Variants in ACTR3 observed in about 807,000 individuals in gnomAD.
ACTR3 encodes actin related protein 3.
Under a neutral mutation model 56.8 loss-of-function variants are expected in ACTR3, and 12 were observed. That is an observed-to-expected ratio of 0.21 (90% CI 0.14 to 0.34). ACTR3 has a LOEUF of 0.34. Ranked by LOEUF, ACTR3 falls within the 10% of genes least tolerant of loss-of-function variation. ACTR3 has a pLI of 1.00. For synonymous variants in ACTR3, 162 were observed against 167.4 expected, an observed-to-expected ratio of 0.97 and a Z score of 0.25; for missense variants, 282 against 512.5, an observed-to-expected ratio of 0.55 and a Z score of 4.34.
intron 8 of ACTR3, among the ~76,000 whole-genome samples, chr2:113,944,531 G>A (rs1215165367): frequency 2.8e-5 from 4 of 142,440 alleles, no homozygotes; most frequent in African/African-American, 1.0e-4. Context: ...GGCAGATCAC[G>A]AGGTCAGGAG....
rs2104635748 is a variant in ACTR3 at position 113,958,208 on chromosome 2, T to G, written c.*753T>G. 6.5e-6 allele frequency: 1 copy of G among 152,756 alleles called. No individual in the cohort carries two copies. Among genetic ancestry groups the G allele is most frequent in the South Asian group, 2.1e-4 (1 of 4,832 alleles). The allele number at this position is 152,756 out of a possible 1,614,324, so 9.5% of individuals were successfully genotyped here. On this transcript the variant is annotated 3_prime_UTR_variant, in exon 12 of 12. Transcript: ENST00000263238. Reference sequence around the variant, plus strand: ...AACAACAACAATAATTTATCAAAATTGGCATATTTAAAGCCTAACATTCTA... The same window carrying G: ...AACAACAACAATAATTTATCAAAATGGGCATATTTAAAGCCTAACATTCTA...
intron 3 of ACTR3, among the ~76,000 whole-genome samples, chr2:113,917,484 C>T (rs923580203): frequency 8.6e-5 from 13 of 151,808 alleles, no homozygotes; most frequent in African/African-American, 2.9e-4. Flanking sequence ...TTATACAGTT[C>T]GAAGAATTTT....
At chr2:113,903,567 C>T (rs1440150647) in intron 1 of ACTR3, among the ~76,000 whole-genome samples, 8 of 148,400 alleles carry the variant, frequency 5.4e-5, no homozygotes, top group African/African-American at 5.0e-5. Flanking sequence ...GACGGAGTCT[C>T]GCTCCGTTGC....
chr2:113,923,800 C>T (rs1326147661), intron 3 of ACTR3, among the ~76,000 whole-genome samples: 1 of 149,098 alleles, frequency 6.7e-6, no homozygotes, highest in African/African-American at 2.5e-5. Flanking sequence ...TAAAGACTTT[C>T]TCTAGGTGAT....
chr2:113,924,054 C>CTT (rs35658755), intron 3 of ACTR3, among the ~76,000 whole-genome samples: 47 of 134,968 alleles, frequency 3.5e-4, no homozygotes, highest in African/African-American at 6.1e-4. Flanking sequence ...ACTTTTTTCT[C>CTT]TTTTTTTTTT....
At chr2:113,945,567 A>G (rs575371197) in intron 8 of ACTR3, among the ~76,000 whole-genome samples, 19 of 152,344 alleles carry the variant, frequency 1.2e-4, no homozygotes, top group Non-Finnish European at 1.9e-4. Context: ...TTTTGAGGCA[A>G]GTAGTGTAAT....
chr2:113,938,780 G>T (rs913732072), intron 6 of ACTR3, among the ~76,000 whole-genome samples: 9 of 152,052 alleles, frequency 5.9e-5, no homozygotes, highest in Non-Finnish European at 1.2e-4. Context: ...GCTCCCTGTT[G>T]GTTCAACTCC....
chr2:113,898,267 T>C (rs1679044390), intron 1 of ACTR3, among the ~76,000 whole-genome samples: 1 of 152,106 alleles, frequency 6.6e-6, no homozygotes, highest in East Asian at 1.9e-4. Flanking sequence ...AAACTTGCTT[T>C]AGTAAATTAA....
chr2:113,940,394 T>C (rs1034604033), intron 7 of ACTR3, among the ~76,000 whole-genome samples: 1 of 151,038 alleles, frequency 6.6e-6, no homozygotes, highest in African/African-American at 2.5e-5. Context: ...TAAAAATAAA[T>C]AATTATTTCA....
chr2:113,922,788 CTG>C (rs1679535194), intron 3 of ACTR3, among the ~76,000 whole-genome samples: 1 of 152,158 alleles, frequency 6.6e-6, no homozygotes, highest in African/African-American at 2.4e-5. Context: ...AAAATCTAGA[CTG>C]TGTATATTGA....
intron 1 of ACTR3, among the ~76,000 whole-genome samples, chr2:113,909,496 T>C (rs1489128105): frequency 6.6e-6 from 1 of 152,122 alleles, no homozygotes. Flanking sequence ...CACATAAAAA[T>C]ATGTGTGGCT....
intron 1 of ACTR3, among the ~76,000 whole-genome samples, chr2:113,893,747 G>C (rs181743052): frequency 3.3e-5 from 5 of 151,738 alleles, no homozygotes; most frequent in East Asian, 3.9e-4. Flanking sequence ...TTTTTCCCCT[G>C]GTAAATAAAA....
intron 9 of ACTR3, 58 bp from the exon 10 acceptor site, chr2:113,951,662 A>C: frequency 1.4e-6 from 2 of 1,468,044 alleles, no homozygotes; most frequent in Non-Finnish European, 1.9e-6. Context: ...TCAGTACTAT[A>C]TATTATATCT....
intron 2 of ACTR3, among the ~76,000 whole-genome samples, chr2:113,913,896 A>G (rs796213520): frequency 2.6e-5 from 4 of 152,294 alleles, no homozygotes; most frequent in African/African-American, 7.2e-5. Context: ...GTACTTTTAC[A>G]CTTTTGACTT....
chr2:113,917,758 T>C (rs1363973307), intron 3 of ACTR3, among the ~76,000 whole-genome samples: 2 of 152,096 alleles, frequency 1.3e-5, no homozygotes, highest in African/African-American at 4.8e-5. Context: ...AAATGGTGTA[T>C]AAAAAAATTT....
chr2:113,956,066 T>A (rs1680206501), intron 11 of ACTR3, among the ~76,000 whole-genome samples: 1 of 152,010 alleles, frequency 6.6e-6, no homozygotes, highest in Admixed American at 6.6e-5. Flanking sequence ...ATTATTATTA[T>A]TTTTTATTGA....
chr2:113,910,900 A>T (rs978972029), intron 1 of ACTR3, among the ~76,000 whole-genome samples: 15 of 152,168 alleles, frequency 9.9e-5, no homozygotes, highest in South Asian at 2.1e-4. Context: ...AAAAGTAGAG[A>T]GATTAATATG....
At position 113,940,021 on chromosome 2, in the gene ACTR3, A is replaced by C. The variant is rs771654768; in HGVS notation, c.603A>C (p.Thr201=). The change falls in exon 7 of 12, where the codon ACA becomes ACC. Residue 201 remains threonine (T), a synonymous_variant. Transcript: ENST00000263238. ...KHIPIAGRDI[T]YFIQQLLRDR... ...TTCCAATCGCAGGACGAGATATAAC[A>C]TATTTTATTCAGCAACTGCTGAGAG... is the stretch of plus-strand genomic sequence containing the variant. The C allele has an allele frequency of 4.3e-6, 7 of 1,613,528 alleles. No individual in the cohort carries two copies. In the East Asian group the frequency reaches 1.3e-4, roughly 31 times the overall value.
At chr2:113,941,053 A>G (rs182870097) in intron 7 of ACTR3, among the ~76,000 whole-genome samples, 60 of 152,058 alleles carry the variant, frequency 3.9e-4, no homozygotes, top group South Asian at 1.5e-3. Context: ...GCCTTAAGCA[A>G]TCCTCCTGCT....
Sources: allele counts gnomAD v4.1 joint callset (sites outside exome capture counted in the v4.1 genomes callset), GRCh38; gene constraint gnomAD v4.1.1; transcripts MANE v1.5; gene names NCBI Gene and HGNC (gene_info 2026-07-23, HGNC 2026-07-21).